CADPS: variants seen among roughly 807,000 people sequenced by gnomAD.
The protein encoded by CADPS is calcium-dependent secretion activator 1.
In CADPS, 57 loss-of-function variants were observed where a neutral mutation model predicts 167.3. The observed-to-expected ratio is 0.34, with a 90% CI of 0.28 to 0.42. The LOEUF is 0.42. Among genes scored for constraint, CADPS ranks in the 20% least tolerant of loss-of-function variants. The probability of loss-of-function intolerance (pLI) is 1.00; values close to 1 mark genes in which losing one functional copy is unlikely to be tolerated. For missense variants in CADPS, 1,414 were observed against 1,738.1 expected (o/e 0.81, Z 3.32); for synonymous variants, 676 against 635.3 (o/e 1.06, Z -0.96).
chr3:62,399,685 C>A lies in CADPS; in HGVS notation c.3883-100G>T. 6 of 851,066 alleles carry A rather than the reference C, an allele frequency of 7.0e-6. No homozygotes were observed. The highest frequency in any genetic ancestry group is 2.6e-4 in the Middle Eastern group (1 of 3,806). 52.7% of individuals were successfully genotyped at this position (851,066 alleles called of 1,614,324 possible). A position where few individuals can be genotyped will look rare whatever the true frequency, so the allele number is the denominator to read the frequency against. ...TGGGTGGGAGAGCACTGACCTTCAG[C>A]TAAATATCACACTTTATGCATTGTC... On this transcript the variant is annotated intron_variant, in intron 29 of 29. Coordinates refer to ENST00000383710, the MANE Select transcript of CADPS (RefSeq NM_003716.4). The surrounding 1 kb of genome is among the most constrained non-coding windows in gnomAD (Gnocchi z 5.6).
chr3:62,799,136 AATGCTTCACAGACT>A (rs2093622030), intron 1 of CADPS, among the ~76,000 whole-genome samples: 1 of 152,150 alleles, frequency 6.6e-6, no homozygotes, highest in East Asian at 1.9e-4. Context: ...GGAGAAGAGT[AATGCTTCACAGACT>A]GTGCTTCACA....
intron 3 of CADPS, among the ~76,000 whole-genome samples, chr3:62,709,477 C>A (rs778552297): frequency 1.3e-5 from 2 of 152,138 alleles, no homozygotes; most frequent in Non-Finnish European, 2.9e-5. Flanking sequence ...TTAGTACATA[C>A]CCTTATTGGG....
rs56228621 is a variant in CADPS at position 62,556,994 on chromosome 3, AACACACACACACACACACAC to A, written c.1753+391_1753+410del. Among the ~76,000 whole-genome samples the A allele has an allele frequency of 5.2e-3, 748 of 143,652 alleles. 14 individuals carry two copies. The highest frequency in any genetic ancestry group is 0.035 in the East Asian group (169 of 4,862). 94.2% of individuals were successfully genotyped at this position (143,652 alleles called of 152,430 possible). ...AGCCCACACATCACTGGTGAAAAAC[AACACACACACACACACACAC>A]ACACACACACACACACACACACACA... On this transcript the variant is annotated intron_variant, in intron 10 of 29. Transcript: ENST00000383710.
At chr3:62,637,429 T>C (rs2066516581) in intron 6 of CADPS, among the ~76,000 whole-genome samples, 1 of 152,174 alleles carries the variant, frequency 6.6e-6, no homozygotes, top group South Asian at 2.1e-4. Context: ...CTCCTGGGAT[T>C]GTGTAAATGC....
rs201540093 is a variant in CADPS, at chr3:62,403,235, T to C, written c.3778-50A>G. 11 of 1,265,088 alleles carry C rather than the reference T, an allele frequency of 8.7e-6. No homozygotes were observed. In the Middle Eastern group the frequency reaches 5.6e-4, roughly 64 times the overall value. 78.4% of individuals were successfully genotyped at this position (1,265,088 alleles called of 1,614,324 possible). On this transcript the variant is annotated intron_variant, in intron 28 of 29. Transcript: ENST00000383710. ...CAGCCAACACATCATGGAGCATTTA[T>C]AGGGCAGAGAGAGAGCAGGCAATGT... is the stretch of plus-strand genomic sequence containing the variant.
At chr3:62,748,518 T>C (rs947776199) in intron 3 of CADPS, among the ~76,000 whole-genome samples, 1 of 151,956 alleles carries the variant, frequency 6.6e-6, no homozygotes, top group Non-Finnish European at 1.5e-5. Context: ...CTGGTACAAC[T>C]GAGAATCAAA....
chr3:62,655,189 C>T (rs960457556), intron 4 of CADPS, among the ~76,000 whole-genome samples: 7 of 152,136 alleles, frequency 4.6e-5, no homozygotes, highest in African/African-American at 1.7e-4. Context: ...GGACTTAAGC[C>T]TTGGGAAGAA....
intron 1 of CADPS, among the ~76,000 whole-genome samples, chr3:62,830,459 A>G (rs1194965326): frequency 6.6e-6 from 1 of 152,210 alleles, no homozygotes; most frequent in Non-Finnish European, 1.5e-5. Flanking sequence ...TTGGTACACC[A>G]GGTGAGAAAA....
At chr3:62,769,842 C>T (rs1414217472) in intron 1 of CADPS, among the ~76,000 whole-genome samples, 1 of 152,094 alleles carries the variant, frequency 6.6e-6, no homozygotes, top group Non-Finnish European at 1.5e-5. Context: ...GGCTGCATGA[C>T]CTTAGGCAAC....
chr3:62,604,373 G>A (rs902201990), intron 6 of CADPS, among the ~76,000 whole-genome samples: 2 of 152,128 alleles, frequency 1.3e-5, no homozygotes, highest in South Asian at 2.1e-4. Context: ...TTTGTTCAGC[G>A]TTTTTCTTGT....
chr3:62,558,069 C>T (rs150084243), intron 9 of CADPS, among the ~76,000 whole-genome samples: 5 of 152,346 alleles, frequency 3.3e-5, no homozygotes, highest in African/African-American at 1.2e-4. Context: ...CAGCATCAAA[C>T]TACATGTTTT....
intron 13 of CADPS, among the ~76,000 whole-genome samples, chr3:62,531,373 G>T (rs2073647410): frequency 6.6e-6 from 1 of 152,088 alleles, no homozygotes; most frequent in Non-Finnish European, 1.5e-5. Context: ...CAAATAAAAG[G>T]TCACGTGCTG....
chr3:62,556,754 TAGAACTTTTA>T lies in CADPS; in HGVS notation c.1753+641_1753+650del, dbSNP rs1359742409. On this transcript the variant is annotated intron_variant, in intron 10 of 29. Coordinates refer to ENST00000383710, the MANE Select transcript of CADPS (RefSeq NM_003716.4). Reference sequence around the variant, plus strand: ...GGCAGGATGTAGAACTTATGCGGTGTAGAACTTTTAAGAAATACTACCGCTCGTGTAGTTT... The same window carrying T: ...GGCAGGATGTAGAACTTATGCGGTGTAGAAATACTACCGCTCGTGTAGTTT... Among the ~76,000 whole-genome samples, 3 of 151,798 alleles carry T rather than the reference TAGAACTTTTA, an allele frequency of 2.0e-5. No homozygotes were observed. In the East Asian group the frequency reaches 5.8e-4, roughly 29 times the overall value.
intron 28 of CADPS, among the ~76,000 whole-genome samples, chr3:62,419,635 A>G (rs1560127925): frequency 1.3e-5 from 2 of 152,300 alleles, no homozygotes; most frequent in East Asian, 1.9e-4. Context: ...GATTCAGCGT[A>G]TGAACTGAAT....
At chr3:62,783,661 CTGTT>C (rs1486339474) in intron 1 of CADPS, among the ~76,000 whole-genome samples, 1 of 152,158 alleles carries the variant, frequency 6.6e-6, no homozygotes, top group Non-Finnish European at 1.5e-5. Flanking sequence ...ATATGTAAGA[CTGTT>C]TGTTAAAGTA....
chr3:62,553,895 G>C (rs2077699078), intron 10 of CADPS, among the ~76,000 whole-genome samples: 1 of 152,104 alleles, frequency 6.6e-6, no homozygotes, highest in African/African-American at 2.4e-5. Context: ...ACCTCAAATG[G>C]GCTCTCCTTG....
intron 1 of CADPS, among the ~76,000 whole-genome samples, chr3:62,767,136 A>T (rs2087099309): frequency 1.3e-5 from 2 of 152,178 alleles, no homozygotes; most frequent in Non-Finnish European, 2.9e-5. Flanking sequence ...TTTTAACTTA[A>T]AAAAGTTAAA....
At chr3:62,403,221 T>A (rs1213671152) in intron 28 of CADPS, 36 bp from the exon 29 acceptor site, 2 of 1,402,598 alleles carry the variant, frequency 1.4e-6, no homozygotes, top group African/African-American at 2.8e-5. Context: ...AGCCAACACA[T>A]CATGGAGCAT....
intron 4 of CADPS, 32 bp downstream of exon 4, chr3:62,662,282 G>A: frequency 3.8e-6 from 6 of 1,576,556 alleles, no homozygotes; most frequent in Non-Finnish European, 5.2e-6. Flanking sequence ...CTTTGGCCTG[G>A]ACCCCAGCAA....
Sources: allele counts gnomAD v4.1 joint callset (sites outside exome capture counted in the v4.1 genomes callset), GRCh38; gene constraint gnomAD v4.1.1; non-coding constraint Gnocchi (gnomAD v3.1); transcripts MANE v1.5; gene names NCBI Gene and HGNC (gene_info 2026-07-23, HGNC 2026-07-21).